The following PHF14 variants were observed in gnomAD, a reference collection of about 807,000 sequenced individuals.
The protein encoded by PHF14 is PHD finger protein 14.
PHF14 carries 55 observed loss-of-function variants against 117.9 expected under a neutral mutation model. That is an observed-to-expected ratio of 0.47 (90% CI 0.38 to 0.58). The LOEUF (loss-of-function observed/expected upper bound fraction) is 0.58, where lower values mean the gene tolerates loss of function less well. PHF14 is among the 20% of genes least tolerant of loss of function. The pLI is 0.00. For missense variants in PHF14, 978 were observed against 1,122.2 expected (o/e 0.87, Z 1.84); for synonymous variants, 409 against 368.6 (o/e 1.11, Z -1.26).
At chr7:11,006,239 A>G (rs1783086976) in intron 4 of PHF14, among the ~76,000 whole-genome samples, 1 of 152,300 alleles carries the variant, frequency 6.6e-6, no homozygotes, top group South Asian at 2.1e-4. Flanking sequence ...TCTTTATTAC[A>G]ATGTGCATTC....
chr7:11,110,645 C>A, intron 16 of PHF14: 1 of 369,122 alleles, frequency 2.7e-6, no homozygotes, highest in Non-Finnish European at 3.7e-6. Context: ...CTTTGTAAAA[C>A]CAAACGGTCT....
intron 17 of PHF14, among the ~76,000 whole-genome samples, chr7:11,163,111 T>G (rs79142703): frequency 6.6e-6 from 1 of 152,300 alleles, no homozygotes; most frequent in African/African-American, 2.4e-5. Context: ...ATCTCTTTGA[T>G]TATCTTTTGT....
intron 17 of PHF14, among the ~76,000 whole-genome samples, chr7:11,137,269 AACTT>A (rs1788248370): frequency 6.6e-6 from 1 of 152,166 alleles, no homozygotes; most frequent in Admixed American, 6.5e-5. Context: ...CTTGATCTTA[AACTT>A]ACTTTAGAAG....
At chr7:11,025,477 C>A (rs1257886231) in intron 6 of PHF14, among the ~76,000 whole-genome samples, 2 of 152,066 alleles carry the variant, frequency 1.3e-5, no homozygotes, top group African/African-American at 4.8e-5. Context: ...TGAATCTATG[C>A]AGCAAACTTC....
In PHF14 at chr7:11,040,722, TAAA is replaced by T. The variant is rs1345780991; in HGVS notation, c.2131_2133del (p.Lys711del). 1 of 1,570,280 alleles carries T rather than the reference TAAA, an allele frequency of 6.4e-7. No homozygotes were observed. Among genetic ancestry groups the T allele is most frequent in the African/African-American group, 1.4e-5 (1 of 73,714 alleles). ...GAGCACCCAAGGAGAGAAAACCAAGTAAAAAAGAAGGAGGCACACAAAAGACAT... is the reference window on the plus strand; with the variant it reads ...GAGCACCCAAGGAGAGAAAACCAAGTAAAGAAGGAGGCACACAAAAGACAT... On this transcript the variant is annotated inframe_deletion, in exon 12 of 18. Transcript: ENST00000634607.
intron 4 of PHF14, among the ~76,000 whole-genome samples, chr7:11,002,859 A>G (rs985237878): frequency 1.3e-5 from 2 of 152,234 alleles, no homozygotes; most frequent in Admixed American, 6.5e-5. Flanking sequence ...TAGAAGGTTG[A>G]GGGTCAATGC....
chr7:11,084,073 C>G (rs964902723), intron 16 of PHF14, among the ~76,000 whole-genome samples: 1 of 152,164 alleles, frequency 6.6e-6, no homozygotes, highest in Admixed American at 6.6e-5. Context: ...ACTATTTTTA[C>G]AAGCATTACT....
At chr7:10,981,269 A>G (rs897757792) in intron 2 of PHF14, among the ~76,000 whole-genome samples, 4 of 152,178 alleles carry the variant, frequency 2.6e-5, no homozygotes, top group African/African-American at 9.7e-5. Context: ...TTTCTTGGCT[A>G]TAGGTGCAAA....
intron 3 of PHF14, among the ~76,000 whole-genome samples, chr7:10,987,237 T>C (rs1782255155): frequency 6.6e-6 from 1 of 152,150 alleles, no homozygotes; most frequent in African/African-American, 2.4e-5. Flanking sequence ...TTTAACCTTT[T>C]CTAAAAATGT....
chr7:10,985,636 C>CCGGTTTTTTTTTTTTTTTTTTTTTTTTT (rs750860479), intron 3 of PHF14, among the ~76,000 whole-genome samples: 2 of 90,864 alleles, frequency 2.2e-5, no homozygotes, highest in East Asian at 4.1e-4. Flanking sequence ...GATTCTCAAA[C>CCGGTTTTTTTTTTTTTTTTTTTTTTTTT]TGTTTTTTTT....
intron 16 of PHF14, chr7:11,063,305 A>G (rs1450978370): frequency 1.0e-6 from 1 of 983,902 alleles, no homozygotes; most frequent in Non-Finnish European, 1.2e-6. Context: ...AAGTAGTTCC[A>G]AGTTCAGGAG....
intron 16 of PHF14, chr7:11,105,756 C>G (rs1787239248): frequency 1.0e-6 from 1 of 984,620 alleles, no homozygotes; most frequent in South Asian, 4.7e-5. Context: ...TTCTGTAGGC[C>G]TGCCGATAAG....
rs562265985 is a variant in PHF14, at chr7:11,061,130, T to C, written c.2482-661T>C. On this transcript the variant is annotated intron_variant, in intron 14 of 17. Transcript: ENST00000634607. ...GTGATTGGTGGATATTTCTAACATA[T>C]TGGCTGCAAATACTAATGTAGTTAC... Among the ~76,000 whole-genome samples, 40 of 152,280 alleles carry C rather than the reference T, an allele frequency of 2.6e-4. 1 individual carries two copies. In the South Asian group the frequency reaches 5.6e-3, roughly 21 times the overall value.
chr7:11,149,909 T>G (rs1788658931), intron 17 of PHF14, among the ~76,000 whole-genome samples: 3 of 152,088 alleles, frequency 2.0e-5, no homozygotes, highest in Non-Finnish European at 4.4e-5. Flanking sequence ...TTGTGTTGGC[T>G]AACATCTCTA....
At chr7:10,993,752 A>G (rs1310737356) in intron 4 of PHF14, among the ~76,000 whole-genome samples, 1 of 151,998 alleles carries the variant, frequency 6.6e-6, no homozygotes, top group Non-Finnish European at 1.5e-5. Context: ...TCATGCCTGT[A>G]AATCCCAGCA....
intron 16 of PHF14, among the ~76,000 whole-genome samples, chr7:11,088,112 A>C (rs1159875248): frequency 6.6e-6 from 1 of 152,204 alleles, no homozygotes; most frequent in African/African-American, 2.4e-5. Context: ...GAAGATGCTC[A>C]AGTCCCTTAT....
At chr7:11,023,067 C>T (rs1783788916) in intron 6 of PHF14, 88 bp downstream of exon 6, 2 of 601,704 alleles carry the variant, frequency 3.3e-6, no homozygotes, top group Admixed American at 3.1e-5. Flanking sequence ...ATGTTGACTG[C>T]AGAAATGCTT....
At chr7:11,048,205 GT>G (rs1229832825) in intron 13 of PHF14, among the ~76,000 whole-genome samples, 1 of 152,238 alleles carries the variant, frequency 6.6e-6, no homozygotes, top group East Asian at 1.9e-4. Context: ...GATAATAGCA[GT>G]TTAGTGGATT....
chr7:11,030,173 GTTATAA>G (rs1784073920), intron 7 of PHF14, among the ~76,000 whole-genome samples: 1 of 151,112 alleles, frequency 6.6e-6, no homozygotes. Context: ...TAGACATAGA[GTTATAA>G]TTATACGGTA....
Sources: allele counts gnomAD v4.1 joint callset (sites outside exome capture counted in the v4.1 genomes callset), GRCh38; gene constraint gnomAD v4.1.1; transcripts MANE v1.5; gene names NCBI Gene and HGNC (gene_info 2026-07-23, HGNC 2026-07-21).